The following ALOX5AP variants were observed in gnomAD, a reference collection of about 807,000 sequenced individuals.
ALOX5AP encodes arachidonate 5-lipoxygenase-activating protein.
In ALOX5AP, 9 loss-of-function variants were observed where a neutral mutation model predicts 18.5. The ratio of observed to expected loss-of-function variants is 0.49; its 90% CI spans 0.29 to 0.85. The LOEUF (loss-of-function observed/expected upper bound fraction) is 0.85. ALOX5AP is among the 40% of genes least tolerant of loss of function. ALOX5AP has a pLI of 0.08. For missense variants in ALOX5AP, 172 were observed against 202.5 expected (o/e 0.85, Z 0.91); for synonymous variants, 81 against 78.6 (o/e 1.03, Z -0.16).
intron 4 of ALOX5AP, among the ~76,000 whole-genome samples, chr13:30,757,208 A>G (rs1262629239): frequency 2.0e-5 from 3 of 152,138 alleles, no homozygotes; most frequent in Non-Finnish European, 4.4e-5. Flanking sequence ...ATGATTAGAT[A>G]GCATCCTTCA....
intron 1 of ALOX5AP, among the ~76,000 whole-genome samples, chr13:30,714,206 C>T (rs1356240491): frequency 8.9e-6 from 1 of 111,862 alleles, no homozygotes; most frequent in African/African-American, 3.0e-5. Context: ...TGCTAACTTT[C>T]AAAAAAAAAA....
upstream of ALOX5AP, among the ~76,000 whole-genome samples, chr13:30,732,324 G>A (rs1951688093): frequency 1.3e-5 from 2 of 152,226 alleles, no homozygotes. Context: ...TGATGGTGGG[G>A]GCTGACCACG....
At chr13:30,761,589 G>A (rs1004916265) in intron 4 of ALOX5AP, among the ~76,000 whole-genome samples, 12 of 152,072 alleles carry the variant, frequency 7.9e-5, no homozygotes, top group Non-Finnish European at 1.2e-4. Flanking sequence ...ATCTGCTGGC[G>A]CTGCCATAAC....
intron 1 of ALOX5AP, among the ~76,000 whole-genome samples, chr13:30,737,693 T>TC (rs140258331): frequency 0.037 from 5,675 of 152,186 alleles, 168 homozygotes; most frequent in Non-Finnish European, 0.056. Context: ...ACTGCCTCTG[T>TC]CCCTCCATTG....
intron 1 of ALOX5AP, among the ~76,000 whole-genome samples, chr13:30,725,872 G>A (rs970309622): frequency 2.6e-5 from 4 of 152,194 alleles, no homozygotes; most frequent in African/African-American, 9.7e-5. Context: ...TAGAACAGTG[G>A]AATGGATTTT....
chr13:30,724,072 C>G (rs944882093), intron 1 of ALOX5AP, among the ~76,000 whole-genome samples: 1 of 152,128 alleles, frequency 6.6e-6, no homozygotes, highest in Non-Finnish European at 1.5e-5. Flanking sequence ...CAAAAAGTTC[C>G]CGTGTCCCTC....
intron 1 of ALOX5AP, among the ~76,000 whole-genome samples, chr13:30,725,190 T>C (rs1222872933): frequency 6.6e-6 from 1 of 152,218 alleles, no homozygotes; most frequent in Non-Finnish European, 1.5e-5. Flanking sequence ...GTTAATCGTT[T>C]AGTCTGATGG....
chr13:30,735,798 T>C, intron 1 of ALOX5AP, 123 bp downstream of exon 1: 1 of 1,147,076 alleles, frequency 8.7e-7, no homozygotes, highest in East Asian at 2.6e-5. Flanking sequence ...TACCTTATCT[T>C]TATTTTCTTC....
rs770543301 is a variant in ALOX5AP at position 30,755,976 on chromosome 13, T to C, written c.274T>C (p.Phe92Leu). ...TGCGTTTGCTGGACTGATGTACTTG[T>C]TTGTGAGGCAAAAGTACTTTGTCGG... ...PAAFAGLMYL[F>L]VRQKYFVGYL... Residue 92 changes from phenylalanine to leucine, a missense_variant, in exon 4 of 5, where the codon TTT becomes CTT. Physicochemically the swap from Phe to Leu is conservative, Grantham distance 22. Coordinates refer to ENST00000380490, the MANE Select transcript of ALOX5AP (RefSeq NM_001629.4). 3 of 1,614,110 alleles carry C rather than the reference T, an allele frequency of 1.9e-6. No homozygotes were observed. Among genetic ancestry groups the C allele is most frequent in the East Asian group, 2.2e-5 (1 of 44,880 alleles).
At position 30,741,103 on chromosome 13, in the gene ALOX5AP, C is replaced by CTTTTTTTTTTTT. The variant is rs59980433; in HGVS notation, c.71-2933_71-2922dup. On this transcript the variant is annotated intron_variant, in intron 1 of 4. Coordinates refer to ENST00000380490, the MANE Select transcript of ALOX5AP (RefSeq NM_001629.4). ...TTAACCTACACACATCCTCCATATC[C>CTTTTTTTTTTTT]TTTTTTTTTTTTTTTTTTTTTTTTT... 2.1e-3 allele frequency among the ~76,000 whole-genome samples: 133 copies of CTTTTTTTTTTTT among 64,008 alleles called. 16 individuals are homozygous for CTTTTTTTTTTTT. The highest frequency in any genetic ancestry group is 0.016 in the Middle Eastern group (1 of 64). The allele number at this position is 64,008 out of a possible 152,430, so 42.0% of individuals were successfully genotyped here. A position where few individuals can be genotyped will look rare whatever the true frequency, so the allele number is the denominator to read the frequency against.
chr13:30,724,737 T>C (rs9740797), intron 1 of ALOX5AP, among the ~76,000 whole-genome samples: 31,322 of 152,208 alleles, frequency 0.21, 4,246 homozygotes, highest in African/African-American at 0.37. Flanking sequence ...TGAGTTTCCA[T>C]TGTGAACAAG....
At chr13:30,738,219 C>T (rs1210974791) in intron 1 of ALOX5AP, among the ~76,000 whole-genome samples, 4 of 152,196 alleles carry the variant, frequency 2.6e-5, no homozygotes, top group African/African-American at 9.7e-5. Context: ...TGTGATTGGG[C>T]AGAGCTGGCC....
chr13:30,756,539 C>T lies in ALOX5AP; in HGVS notation c.323+514C>T, dbSNP rs117983306. On this transcript the variant is annotated intron_variant, in intron 4 of 4. Transcript: ENST00000380490. ...ATGCAGACATGACAGCAGGGTGCAG[C>T]GGCTCACGCCTATAATCCCAGCACT... Among the ~76,000 whole-genome samples, 94 of 152,200 alleles carry T rather than the reference C, an allele frequency of 6.2e-4. 2 individuals carry two copies. The East Asian group carries it at 0.018, about 29-fold the overall frequency.
chr13:30,749,584 C>A (rs1205443291), intron 2 of ALOX5AP, among the ~76,000 whole-genome samples: 1 of 152,150 alleles, frequency 6.6e-6, no homozygotes, highest in African/African-American at 2.4e-5. Flanking sequence ...ACTTGGGGAC[C>A]TGTTTATTCA....
At chr13:30,737,420 C>T (rs9578196) in intron 1 of ALOX5AP, among the ~76,000 whole-genome samples, 24,487 of 152,126 alleles carry the variant, frequency 0.16, 3,295 homozygotes, top group African/African-American at 0.37. Context: ...GGTGAGATTT[C>T]GAATTCTTTT....
intron 4 of ALOX5AP, among the ~76,000 whole-genome samples, chr13:30,760,041 T>C (rs576879936): frequency 6.6e-6 from 1 of 152,304 alleles, no homozygotes; most frequent in Admixed American, 6.5e-5. Context: ...TTCAGAAATA[T>C]TTGCAGAGGT....
At chr13:30,745,547 C>G (rs554580664) in intron 2 of ALOX5AP, among the ~76,000 whole-genome samples, 23 of 152,194 alleles carry the variant, frequency 1.5e-4, no homozygotes, top group Non-Finnish European at 2.9e-4. Context: ...GCAGTCTGAC[C>G]TCAAGGAAAT....
At chr13:30,749,676 A>C (rs1332819516) in intron 2 of ALOX5AP, among the ~76,000 whole-genome samples, 1 of 152,162 alleles carries the variant, frequency 6.6e-6, no homozygotes, top group East Asian at 1.9e-4. Context: ...ATCAGTGGAA[A>C]TTCTGGGATT....
chr13:30,756,662 C>G (rs1168170358), intron 4 of ALOX5AP, among the ~76,000 whole-genome samples: 1 of 151,702 alleles, frequency 6.6e-6, no homozygotes, highest in Non-Finnish European at 1.5e-5. Context: ...ATATACAAAA[C>G]ATTAGCCAGG....
Sources: allele counts gnomAD v4.1 joint callset (sites outside exome capture counted in the v4.1 genomes callset), GRCh38; gene constraint gnomAD v4.1.1; transcripts MANE v1.5; gene names NCBI Gene and HGNC (gene_info 2026-07-23, HGNC 2026-07-21).